The following ZMYM2 variants were observed in gnomAD, a reference collection of about 807,000 sequenced individuals.
ZMYM2 encodes the protein zinc finger MYM-type containing 2.
A neutral mutation model predicts 162.8 loss-of-function variants in ZMYM2; 56 were observed. The ratio of observed to expected loss-of-function variants is 0.34; its 90% confidence interval spans 0.28 to 0.43. ZMYM2 has a LOEUF of 0.43. ZMYM2 is among the 20% of genes least tolerant of loss of function. The pLI, the probability that ZMYM2 is intolerant of heterozygous loss-of-function variation, is 1.00. For missense variants in ZMYM2, 1,275 were observed against 1,621.8 expected (o/e 0.79, Z 3.67); for synonymous variants, 510 against 541.6 (o/e 0.94, Z 0.81).
chr13:20,049,921 A>T (rs1028592236), intron 12 of ZMYM2, among the ~76,000 whole-genome samples: 3 of 152,118 alleles, frequency 2.0e-5, no homozygotes, highest in African/African-American at 7.2e-5. Flanking sequence ...AGCATAAATT[A>T]TAAAAAGGGA....
At chr13:19,992,375 C>T (rs1949696715) in intron 2 of ZMYM2, among the ~76,000 whole-genome samples, 1 of 152,134 alleles carries the variant, frequency 6.6e-6, no homozygotes, top group Non-Finnish European at 1.5e-5. Context: ...GCCAGGGCAA[C>T]ATAGTGAGAC....
chr13:19,912,615 T>A, the ZMYM2 span, among the ~76,000 whole-genome samples: 1 of 152,180 alleles, frequency 6.6e-6, no homozygotes, highest in South Asian at 2.1e-4. Flanking sequence ...ATTACAGGCA[T>A]GAGCCACTGA....
In ZMYM2 at chr13:20,088,742, T is replaced by C. The variant is rs1027854971; in HGVS notation, c.*2728T>C. ...TAGGAGGAGGATGCATATTGTACTA[T>C]GCATTCAAATTTATCACTGTTTTTT... On this transcript the variant is annotated 3_prime_UTR_variant, in exon 25 of 25. Transcript: ENST00000610343. The C allele has an allele frequency of 2.6e-5, 5 of 195,674 alleles. No individual in the cohort carries two copies. Among genetic ancestry groups the C allele is most frequent in the African/African-American group, 9.2e-5 (4 of 43,260 alleles). The allele number at this position is 195,674 out of a possible 1,614,324, so 12.1% of individuals were successfully genotyped here.
chr13:19,871,135 T>C, the ZMYM2 span, among the ~76,000 whole-genome samples: 1 of 152,088 alleles, frequency 6.6e-6, no homozygotes, highest in African/African-American at 2.4e-5. Flanking sequence ...CGAATATGAA[T>C]AGACATTATG....
chr13:19,917,330 T>A, the ZMYM2 span, among the ~76,000 whole-genome samples: 2 of 152,052 alleles, frequency 1.3e-5, no homozygotes, highest in South Asian at 4.1e-4. Flanking sequence ...GGCTCACGCC[T>A]GTAATCCCTG....
At chr13:20,011,635 A>G (rs1239271905) in intron 6 of ZMYM2, among the ~76,000 whole-genome samples, 1 of 147,292 alleles carries the variant, frequency 6.8e-6, no homozygotes. Flanking sequence ...GCTGGAGTGC[A>G]ATGGCACGAT....
chr13:19,996,465 G>T (rs930660150), intron 3 of ZMYM2, among the ~76,000 whole-genome samples: 1 of 152,036 alleles, frequency 6.6e-6, no homozygotes, highest in Non-Finnish European at 1.5e-5. Context: ...GGTGGCTCAA[G>T]CCTGTAATCT....
At chr13:20,012,114 G>T (rs1308130946) in intron 6 of ZMYM2, among the ~76,000 whole-genome samples, 1 of 151,926 alleles carries the variant, frequency 6.6e-6, no homozygotes, top group African/African-American at 2.4e-5. Flanking sequence ...TCGAACTCCT[G>T]ACCTTCAGTG....
intron 17 of ZMYM2, 147 bp downstream of exon 17, chr13:20,061,371 A>AGGCGACCACC: frequency 2.9e-6 from 2 of 695,012 alleles, no homozygotes; most frequent in Non-Finnish European, 2.0e-6. Flanking sequence ...TTTTATATTA[A>AGGCGACCACC]GAGATCTACA....
upstream of ZMYM2, among the ~76,000 whole-genome samples, chr13:19,957,813 G>A (rs1400287292): frequency 6.6e-6 from 1 of 152,154 alleles, no homozygotes; most frequent in Non-Finnish European, 1.5e-5. Flanking sequence ...CAGCTCCAGG[G>A]GAGCCCGCAG....
At chr13:20,071,795 A>G (rs1294118263) in intron 21 of ZMYM2, 2 of 180,256 alleles carry the variant, frequency 1.1e-5, no homozygotes, top group Non-Finnish European at 2.4e-5. Context: ...AATGACTTTA[A>G]TTTCTCTGCC....
chr13:19,989,664 T>G (rs1389184039), intron 2 of ZMYM2, among the ~76,000 whole-genome samples: 1 of 152,214 alleles, frequency 6.6e-6, no homozygotes, highest in Non-Finnish European at 1.5e-5. Context: ...GTGTTGCAAA[T>G]AATCCAGTTA....
the ZMYM2 span, among the ~76,000 whole-genome samples, chr13:19,935,063 A>G: frequency 0.43 from 65,749 of 151,846 alleles, 14,386 homozygotes; most frequent in African/African-American, 0.51. Flanking sequence ...CACCATGCCC[A>G]GTCCAAAGAG....
chr13:19,908,088 G>A, the ZMYM2 span, among the ~76,000 whole-genome samples: 1 of 152,096 alleles, frequency 6.6e-6, no homozygotes, highest in Non-Finnish European at 1.5e-5. Flanking sequence ...AGGAGTTTGA[G>A]AGTAGCCTGG....
At chr13:19,910,430 T>G in the ZMYM2 span, among the ~76,000 whole-genome samples, 1 of 152,118 alleles carries the variant, frequency 6.6e-6, no homozygotes, top group African/African-American at 2.4e-5. Flanking sequence ...GGGAAAGGAT[T>G]CAAAAGCTTA....
intron 2 of ZMYM2, among the ~76,000 whole-genome samples, chr13:19,983,549 C>G (rs181974831): frequency 2.9e-4 from 44 of 152,252 alleles, no homozygotes; most frequent in Non-Finnish European, 4.1e-4. Context: ...TTGTCTTATT[C>G]TTGACTTTAA....
In ZMYM2 at chr13:20,003,080, C is replaced by T; in HGVS notation, c.1078C>T (p.Leu360Phe). 6.2e-7 allele frequency: 1 copy of T among 1,614,208 alleles called. No individual in the cohort carries two copies. The highest frequency in any genetic ancestry group is 8.5e-7 in the Non-Finnish European group (1 of 1,180,028). ...SAHLFCSTTC[L>F]SSFSHKPAPK... ...TCACCTCTTTTGTTCTACCACCTGC[C>T]TTTCTTCCTTCTCCCACAAGCCTGC... The change falls in exon 4 of 25, where the codon CTT (leucine) becomes TTT (phenylalanine). Residue 360 changes from leucine (L) to phenylalanine (F), a missense_variant. Physicochemically the swap from Leu to Phe is conservative, Grantham distance 22. Coordinates refer to ENST00000610343, the MANE Select transcript of ZMYM2 (RefSeq NM_197968.4).
chr13:20,003,434 G>A (rs894066941), intron 4 of ZMYM2, among the ~76,000 whole-genome samples: 2 of 152,124 alleles, frequency 1.3e-5, no homozygotes, highest in Non-Finnish European at 2.9e-5. Context: ...CAGTTTATGC[G>A]TGATTCTGTG....
the ZMYM2 span, among the ~76,000 whole-genome samples, chr13:19,896,404 A>G: frequency 6.6e-6 from 1 of 150,942 alleles, no homozygotes; most frequent in African/African-American, 2.5e-5. Flanking sequence ...TCAGCCTCAC[A>G]AAGTGTTGGG....
Sources: allele counts gnomAD v4.1 joint callset (sites outside exome capture counted in the v4.1 genomes callset), GRCh38; gene constraint gnomAD v4.1.1; transcripts MANE v1.5; gene names NCBI Gene and HGNC (gene_info 2026-07-23, HGNC 2026-07-21).